CDH10: variants seen among roughly 807,000 people sequenced by gnomAD.
CDH10 encodes the protein cadherin-10.
Under a neutral mutation model 73.1 loss-of-function variants are expected in CDH10, and 30 were observed. That is an observed-to-expected ratio of 0.41 (90% CI 0.31 to 0.56). The LOEUF (loss-of-function observed/expected upper bound fraction) is 0.56, where lower values mean the gene tolerates loss of function less well. Among genes scored for constraint, CDH10 ranks in the 20% least tolerant of loss-of-function variants. The pLI is 0.27. For synonymous variants in CDH10, 345 were observed against 348.2 expected, an observed-to-expected ratio of 0.99 and a Z score of 0.10; for missense variants, 815 against 973.7, an observed-to-expected ratio of 0.84 and a Z score of 2.17.
chr5:24,624,290 G>T (rs1747416920), intron 1 of CDH10, among the ~76,000 whole-genome samples: 1 of 152,032 alleles, frequency 6.6e-6, no homozygotes, highest in African/African-American at 2.4e-5. Context: ...ACTCTATGAG[G>T]TCATAGATTT....
intron 8 of CDH10, among the ~76,000 whole-genome samples, chr5:24,504,251 CA>C: frequency 2.0e-5 from 3 of 152,066 alleles, no homozygotes; most frequent in African/African-American, 7.2e-5. Flanking sequence ...CTCTCTATAC[CA>C]GAAGAAAAGT....
Position 24,537,491 on chromosome 5 carries a change from G to C in CDH10, c.415C>G (p.Pro139Ala), listed in dbSNP as rs2111894343. The C allele has an allele frequency of 1.9e-6, 3 of 1,612,936 alleles. No individual in the cohort carries two copies. The highest frequency in any genetic ancestry group is 3.3e-4 in the Middle Eastern group (2 of 6,058). Residue 139 changes from proline (P) to alanine (A), a missense_variant, in exon 3 of 12, where the codon CCA (proline) becomes GCA (alanine). This residue lies in a region of CDH10 where 516 missense variants were observed against 636.6 expected (regional missense o/e 0.81). Transcript: ENST00000264463. ...ACAAACTCTGACTCTGGCTCTACTGGCCTCAGAGTTCTTCTGTTAATAGCT... is the reference window on the plus strand; with the variant it reads ...ACAAACTCTGACTCTGGCTCTACTGCCCTCAGAGTTCTTCTGTTAATAGCT... ...AQAINRRTLR[P>A]VEPESEFVIK...
chr5:24,552,737 A>G (rs1357409249), intron 2 of CDH10, among the ~76,000 whole-genome samples: 1 of 151,910 alleles, frequency 6.6e-6, no homozygotes, highest in African/African-American at 2.4e-5. Flanking sequence ...CTTTCCTCAT[A>G]GCTACTAATT....
rs190115171 is a variant in CDH10 at position 24,577,450 on chromosome 5, A to G, written c.231+15810T>C. On this transcript the variant is annotated intron_variant, in intron 2 of 11. Transcript: ENST00000264463. ...AGATTTTCCATCACTCTTTATTACA[A>G]CAATATTCATCTCATTTCCTTGCCT... Among the ~76,000 whole-genome samples, 180 of 151,964 alleles carry G rather than the reference A, an allele frequency of 1.2e-3. 1 individual carries two copies. The highest frequency in any genetic ancestry group is 4.0e-3 in the African/African-American group (167 of 41,248).
chr5:24,639,629 G>T (rs1747978919), intron 1 of CDH10, among the ~76,000 whole-genome samples: 1 of 151,666 alleles, frequency 6.6e-6, no homozygotes, highest in African/African-American at 2.4e-5. Context: ...AGCAATGGTA[G>T]TTCTTTACAA....
At chr5:24,525,911 G>T (rs16893489) in intron 5 of CDH10, among the ~76,000 whole-genome samples, 1 of 152,034 alleles carries the variant, frequency 6.6e-6, no homozygotes, top group Admixed American at 6.6e-5. Flanking sequence ...CTCAAAAATG[G>T]TCTCCAAGTT....
At chr5:24,594,627 C>T (rs1746309598) in intron 1 of CDH10, among the ~76,000 whole-genome samples, 1 of 151,874 alleles carries the variant, frequency 6.6e-6, no homozygotes, top group African/African-American at 2.4e-5. Context: ...CCATGCAATA[C>T]ATTTTACATG....
At chr5:24,512,728 C>G (rs1742965120) in intron 5 of CDH10, among the ~76,000 whole-genome samples, 1 of 152,156 alleles carries the variant, frequency 6.6e-6, no homozygotes, top group African/African-American at 2.4e-5. Flanking sequence ...AGCACCTGAT[C>G]ATAAACTACA....
Position 24,577,020 on chromosome 5 carries a change from C to T in CDH10, c.231+16240G>A, listed in dbSNP as rs141086250. 4.1e-4 allele frequency among the ~76,000 whole-genome samples: 62 copies of T among 149,690 alleles called. 1 individual carries two copies. The East Asian group carries it at 0.012, about 29-fold the overall frequency. On this transcript the variant is annotated intron_variant, in intron 2 of 11. Transcript: ENST00000264463. ...AGCTAAAATATTAAAAAAAAAAAAC[C>T]CAAACTGAGAGATATTCTACAAAAC...
intron 2 of CDH10, among the ~76,000 whole-genome samples, chr5:24,567,955 T>G (rs867548523): frequency 6.6e-6 from 1 of 152,082 alleles, no homozygotes; most frequent in Admixed American, 6.5e-5. Context: ...TGTCTCAAAT[T>G]TAGTCTCACC....
At chr5:24,608,318 G>C (rs9293143) in intron 1 of CDH10, among the ~76,000 whole-genome samples, 24,760 of 151,814 alleles carry the variant, frequency 0.16, 2,328 homozygotes, top group African/African-American at 0.25. Context: ...TTTTGAGATG[G>C]AGTCTCACTC....
intron 2 of CDH10, among the ~76,000 whole-genome samples, chr5:24,575,277 G>A (rs57971977): frequency 0.11 from 6,923 of 65,006 alleles, 273 homozygotes; most frequent in East Asian, 0.26. Context: ...CATGAGAATC[G>A]CTTGAACCCG....
intron 1 of CDH10, among the ~76,000 whole-genome samples, chr5:24,611,125 T>C (rs978054465): frequency 6.6e-6 from 1 of 152,186 alleles, no homozygotes; most frequent in Non-Finnish European, 1.5e-5. Context: ...GTAGAGACAG[T>C]TGCTCAGTAA....
At chr5:24,580,914 T>A (rs1189191815) in intron 2 of CDH10, among the ~76,000 whole-genome samples, 1 of 152,122 alleles carries the variant, frequency 6.6e-6, no homozygotes, top group Non-Finnish European at 1.5e-5. Context: ...CATTGTCACA[T>A]CTCTTTTTTC....
At chr5:24,590,657 G>A (rs1746168674) in intron 2 of CDH10, among the ~76,000 whole-genome samples, 1 of 151,924 alleles carries the variant, frequency 6.6e-6, no homozygotes, top group Admixed American at 6.6e-5. Flanking sequence ...GAAATTATAG[G>A]CATCAATTCT....
chr5:24,556,500 A>G (rs1402054952), intron 2 of CDH10, among the ~76,000 whole-genome samples: 1 of 151,852 alleles, frequency 6.6e-6, no homozygotes, highest in Admixed American at 6.6e-5. Context: ...TTCCAAAAAT[A>G]TTTTAAACAT....
intron 2 of CDH10, among the ~76,000 whole-genome samples, chr5:24,562,813 C>T (rs34193306): frequency 0.19 from 26,063 of 139,698 alleles, 4,424 homozygotes; most frequent in African/African-American, 0.47. Context: ...GAAAAAAATA[C>T]CTTTTTTTAA....
At chr5:24,560,544 T>A (rs143228288) in intron 2 of CDH10, among the ~76,000 whole-genome samples, 21 of 152,206 alleles carry the variant, frequency 1.4e-4, no homozygotes, top group African/African-American at 5.1e-4. Context: ...TAAAACTTGA[T>A]AGATTTTAAA....
intron 9 of CDH10, among the ~76,000 whole-genome samples, chr5:24,495,676 G>A (rs1423310402): frequency 6.6e-6 from 1 of 151,476 alleles, no homozygotes; most frequent in East Asian, 1.9e-4. Flanking sequence ...GTGAAACCCT[G>A]CCTCTACTAA....
Sources: gnomAD v4.1 joint callset for allele counts (sites outside exome capture counted in the v4.1 genomes callset) on GRCh38, gnomAD v4.1.1 for gene constraint, gnomAD v4.1.1 regional missense constraint, MANE v1.5 for transcripts, NCBI Gene and HGNC (gene_info 2026-07-23, HGNC 2026-07-21) for gene names.